Variants in NCKAP5 observed in about 807,000 individuals in gnomAD.
NCKAP5 encodes nck-associated protein 5.
Under a neutral mutation model 167.0 loss-of-function variants are expected in NCKAP5, and 92 were observed. The observed-to-expected ratio is 0.55, with a 90% CI of 0.47 to 0.66. The LOEUF (loss-of-function observed/expected upper bound fraction) is 0.66, where lower values mean the gene tolerates loss of function less well. Ranked by LOEUF, NCKAP5 falls within the 30% of genes least tolerant of loss-of-function variation. NCKAP5 has a pLI of 0.00. For missense variants in NCKAP5, 2,378 were observed against 2,315.0 expected, an observed-to-expected ratio of 1.03 and a Z score of -0.56; for synonymous variants, 891 against 877.4, an observed-to-expected ratio of 1.02 and a Z score of -0.27.
At chr2:133,002,995 G>T (rs1478823759) in intron 6 of NCKAP5, among the ~76,000 whole-genome samples, 1 of 152,156 alleles carries the variant, frequency 6.6e-6, no homozygotes, top group African/African-American at 2.4e-5. Flanking sequence ...CAAGTCCGCT[G>T]GTCAGATGTA....
At chr2:132,761,172 G>T (rs762557698) in intron 16 of NCKAP5, among the ~76,000 whole-genome samples, 34 of 152,288 alleles carry the variant, frequency 2.2e-4, no homozygotes, top group Non-Finnish European at 4.0e-4. Flanking sequence ...CTTTATGCCG[G>T]GGAGGGGCTT....
intron 16 of NCKAP5, among the ~76,000 whole-genome samples, chr2:132,763,981 T>C (rs1681235979): frequency 6.6e-6 from 1 of 152,162 alleles, no homozygotes; most frequent in Non-Finnish European, 1.5e-5. Flanking sequence ...GGAGTAAACA[T>C]TTTACAGGAG....
intron 4 of NCKAP5, among the ~76,000 whole-genome samples, chr2:133,244,233 A>G (rs1052460983): frequency 6.6e-6 from 1 of 152,146 alleles, no homozygotes; most frequent in African/African-American, 2.4e-5. Flanking sequence ...TCCTACTTCA[A>G]TATCACCTTA....
chr2:133,334,195 A>C (rs1364480851), intron 3 of NCKAP5, among the ~76,000 whole-genome samples: 1 of 152,180 alleles, frequency 6.6e-6, no homozygotes, highest in African/African-American at 2.4e-5. Flanking sequence ...TCTCTCAGTC[A>C]CTTTGTGTCT....
At chr2:133,656,736 T>C in the NCKAP5 span, among the ~76,000 whole-genome samples, 6 of 152,138 alleles carry the variant, frequency 3.9e-5, no homozygotes, top group Non-Finnish European at 8.8e-5. Context: ...TCTCCATTAG[T>C]TGGGATTCTA....
At chr2:132,895,836 A>AC (rs1356887747) in intron 8 of NCKAP5, among the ~76,000 whole-genome samples, 10 of 149,898 alleles carry the variant, frequency 6.7e-5, no homozygotes, top group African/African-American at 2.5e-4. Context: ...AAAAAAAACA[A>AC]AAAAAAAAAC....
chr2:133,330,261 T>C (rs866671920), intron 3 of NCKAP5, among the ~76,000 whole-genome samples: 4,221 of 142,248 alleles, frequency 0.03, 217 homozygotes, highest in African/African-American at 0.1. Context: ...TTTTTTTTTT[T>C]TTTTGTAGAG....
chr2:132,886,225 C>T (rs1188516491), intron 8 of NCKAP5, among the ~76,000 whole-genome samples: 1 of 152,196 alleles, frequency 6.6e-6, no homozygotes, highest in Non-Finnish European at 1.5e-5. Context: ...AATTCCCCCA[C>T]ACCATTCAAG....
At position 132,782,413 on chromosome 2, in the gene NCKAP5, G is replaced by A. The variant is rs748219801; in HGVS notation, c.4398C>T (p.Ala1466=). The part of the protein sequence containing the change: ...ATATDAVSSE[A]PLSPTIEEKV... The stretch of plus-strand genomic sequence containing the variant: ...TTTCTTCGATTGTGGGTGAGAGGGG[G>A]GCTTCTGAACTCACAGCATCAGTCG... The change falls in exon 14 of 20, where the codon GCC becomes GCT. Residue 1466 remains alanine, a synonymous_variant. Coordinates refer to ENST00000409261, the MANE Select transcript of NCKAP5 (RefSeq NM_207363.3). The A allele has an allele frequency of 2.5e-6, 4 of 1,613,970 alleles. No individual in the cohort carries two copies. Among genetic ancestry groups the A allele is most frequent in the Middle Eastern group, 1.6e-4 (1 of 6,062 alleles).
intron 6 of NCKAP5, among the ~76,000 whole-genome samples, chr2:133,109,889 G>A (rs144441620): frequency 9.9e-5 from 15 of 152,174 alleles, no homozygotes; most frequent in Admixed American, 2.6e-4. Flanking sequence ...CCAAGTAATC[G>A]CAGAAACATG....
chr2:133,469,509 G>C (rs1327727244), intron 3 of NCKAP5, among the ~76,000 whole-genome samples: 3 of 151,940 alleles, frequency 2.0e-5, no homozygotes, highest in African/African-American at 2.4e-5. Flanking sequence ...TCTTCTCGAG[G>C]AGTATCTTTG....
chr2:133,580,248 C>T, the NCKAP5 span, among the ~76,000 whole-genome samples: 2 of 152,158 alleles, frequency 1.3e-5, no homozygotes, highest in South Asian at 4.1e-4. Context: ...TGACTCTCTG[C>T]AGGAGAAAAT....
chr2:133,422,008 C>A (rs1559472310), intron 3 of NCKAP5, among the ~76,000 whole-genome samples: 1 of 152,216 alleles, frequency 6.6e-6, no homozygotes, highest in Non-Finnish European at 1.5e-5. Context: ...GGATAGAGAA[C>A]TGAAAGATCC....
intron 6 of NCKAP5, among the ~76,000 whole-genome samples, chr2:133,113,859 C>G (rs1253979696): frequency 3.3e-5 from 5 of 152,154 alleles, no homozygotes; most frequent in Non-Finnish European, 5.9e-5. Context: ...GAAAGGGAGC[C>G]AACCAAACCA....
chr2:133,245,326 T>G (rs1053320256), intron 4 of NCKAP5, among the ~76,000 whole-genome samples: 2 of 152,108 alleles, frequency 1.3e-5, no homozygotes, highest in Non-Finnish European at 2.9e-5. Context: ...TGCAATGATA[T>G]AGGTAAGTAT....
intron 3 of NCKAP5, among the ~76,000 whole-genome samples, chr2:133,505,298 T>C (rs59333215): frequency 0.21 from 31,238 of 152,038 alleles, 3,831 homozygotes; most frequent in East Asian, 0.41. Flanking sequence ...TGGTCAGACA[T>C]GACCTGTAGT....
chr2:133,382,577 T>C (rs190436181), intron 3 of NCKAP5, among the ~76,000 whole-genome samples: 1 of 152,298 alleles, frequency 6.6e-6, no homozygotes, highest in African/African-American at 2.4e-5. Flanking sequence ...GCAGGGCCTT[T>C]ATACATGCTA....
chr2:132,788,395 AC>A (rs1683771423), intron 13 of NCKAP5, among the ~76,000 whole-genome samples: 1 of 152,196 alleles, frequency 6.6e-6, no homozygotes, highest in Non-Finnish European at 1.5e-5. Context: ...AAGCAACCTC[AC>A]CACGTTTCAG....
intron 3 of NCKAP5, among the ~76,000 whole-genome samples, chr2:133,462,860 T>C (rs1246728333): frequency 6.6e-6 from 1 of 152,232 alleles, no homozygotes; most frequent in Non-Finnish European, 1.5e-5. Flanking sequence ...TGCAATGATT[T>C]ACAAAGTCGT....
Sources: allele counts gnomAD v4.1 joint callset (sites outside exome capture counted in the v4.1 genomes callset), GRCh38; gene constraint gnomAD v4.1.1; transcripts MANE v1.5; gene names NCBI Gene and HGNC (gene_info 2026-07-23, HGNC 2026-07-21).